CELF4: variants seen among roughly 807,000 people sequenced by gnomAD.
CELF4 encodes CUGBP Elav-like family member 4.
In CELF4, 18 loss-of-function variants were observed where a neutral mutation model predicts 59.9. The observed-to-expected ratio is 0.30, with a 90% confidence interval of 0.21 to 0.45. The LOEUF (loss-of-function observed/expected upper bound fraction) is 0.45. Among genes scored for constraint, CELF4 ranks in the 20% least tolerant of loss-of-function variants. The pLI is 1.00. For missense variants in CELF4, 456 were observed against 689.0 expected (o/e 0.66, Z 3.79); for synonymous variants, 261 against 267.1 (o/e 0.98, Z 0.22).
chr18:37,565,691 C>CTT lies in CELF4; in HGVS notation c.-51_-50insAA. 7.7e-7 allele frequency: 1 copy of CTT among 1,294,610 alleles called. No homozygotes were observed. Among genetic ancestry groups the CTT allele is most frequent in the Non-Finnish European group, 1.0e-6 (1 of 969,328 alleles). 80.2% of individuals were successfully genotyped at this position (1,294,610 alleles called of 1,614,324 possible). ...TCTTTCTCGCTCACACTCTCTCGCT[C>CTT]CTCTCTCTCGCTCGCTCGCGCTCAC... On this transcript the variant is annotated 5_prime_UTR_variant, in exon 1 of 13. Transcript: ENST00000420428.
At chr18:37,524,646 C>T (rs1253317483) in intron 1 of CELF4, among the ~76,000 whole-genome samples, 1 of 152,238 alleles carries the variant, frequency 6.6e-6, no homozygotes, top group South Asian at 2.1e-4. Flanking sequence ...ATTAGCCGAC[C>T]TCTGGCGCCG....
chr18:37,565,261 C>G, intron 1 of CELF4, 95 bp downstream of exon 1: 1 of 1,400,704 alleles, frequency 7.1e-7, no homozygotes, highest in Admixed American at 2.4e-5. Context: ...GGCTTCCTCT[C>G]GCTTAGTCCG....
intron 1 of CELF4, among the ~76,000 whole-genome samples, chr18:37,512,477 A>G (rs1358872970): frequency 3.3e-5 from 4 of 122,864 alleles, no homozygotes; most frequent in Non-Finnish European, 6.4e-5. Context: ...CTTTCTCCTC[A>G]TGCTTCATTT....
At chr18:37,298,170 C>G (rs1200883204) in intron 3 of CELF4, among the ~76,000 whole-genome samples, 1 of 152,186 alleles carries the variant, frequency 6.6e-6, no homozygotes, top group Non-Finnish European at 1.5e-5. Flanking sequence ...GATGGCTGAG[C>G]CTTGGGGCCC....
At chr18:37,355,376 A>C (rs2098545859) in intron 2 of CELF4, among the ~76,000 whole-genome samples, 1 of 152,136 alleles carries the variant, frequency 6.6e-6, no homozygotes, top group South Asian at 2.1e-4. Flanking sequence ...TAAACTTTAA[A>C]CTGAAAACAG....
chr18:37,522,071 A>G (rs1274257894), intron 1 of CELF4, among the ~76,000 whole-genome samples: 1 of 152,092 alleles, frequency 6.6e-6, no homozygotes, highest in Non-Finnish European at 1.5e-5. Context: ...TCTGTCTAAG[A>G]GGAGAGGAGA....
intron 2 of CELF4, among the ~76,000 whole-genome samples, chr18:37,460,044 G>A (rs1254268310): frequency 2.0e-5 from 3 of 152,158 alleles, no homozygotes; most frequent in South Asian, 2.1e-4. Flanking sequence ...CTGAATGGAT[G>A]GGCAGTATTG....
At chr18:37,509,255 T>G (rs1171335686) in intron 1 of CELF4, among the ~76,000 whole-genome samples, 2 of 152,224 alleles carry the variant, frequency 1.3e-5, no homozygotes, top group African/African-American at 4.8e-5. Flanking sequence ...CATTTTCACA[T>G]GGAATTGATC....
chr18:37,503,692 C>T (rs902936196), intron 1 of CELF4, among the ~76,000 whole-genome samples: 1 of 152,218 alleles, frequency 6.6e-6, no homozygotes, highest in African/African-American at 2.4e-5. Flanking sequence ...CTTCACTTCT[C>T]TGGGTCTCAG....
At position 37,501,862 on chromosome 18, in the gene CELF4, C is replaced by T. The variant is rs570488339; in HGVS notation, c.287-16255G>A. ...ACGTTGACCAGCACGGGCTGCCTCCCGCTTTCCTCTCTCCTTCCATTCCTC... is the reference window on the plus strand; with the variant it reads ...ACGTTGACCAGCACGGGCTGCCTCCTGCTTTCCTCTCTCCTTCCATTCCTC... On this transcript the variant is annotated intron_variant, in intron 1 of 12. Coordinates refer to ENST00000420428, the MANE Select transcript of CELF4 (RefSeq NM_020180.4). Among the ~76,000 whole-genome samples, 7 of 152,320 alleles carry T rather than the reference C, an allele frequency of 4.6e-5. No individual in the cohort carries two copies. The South Asian group carries it at 6.2e-4, about 14-fold the overall frequency.
intron 1 of CELF4, among the ~76,000 whole-genome samples, chr18:37,539,210 A>G (rs896093993): frequency 1.3e-5 from 2 of 152,226 alleles, no homozygotes; most frequent in African/African-American, 4.8e-5. Context: ...AGAGCTTTGC[A>G]CATATTATCT....
At chr18:37,354,054 C>A (rs2098518707) in intron 2 of CELF4, among the ~76,000 whole-genome samples, 2 of 152,074 alleles carry the variant, frequency 1.3e-5, no homozygotes, top group Admixed American at 1.3e-4. Context: ...TGCGCCTGGC[C>A]TGTGGGGGGA....
At chr18:37,325,422 G>A (rs1262691329) in intron 2 of CELF4, among the ~76,000 whole-genome samples, 1 of 152,206 alleles carries the variant, frequency 6.6e-6, no homozygotes, top group African/African-American at 2.4e-5. Context: ...ATTTTCCATG[G>A]TAAATTAAAC....
intron 2 of CELF4, among the ~76,000 whole-genome samples, chr18:37,440,805 TCTAA>T (rs1375592729): frequency 6.6e-6 from 1 of 152,070 alleles, no homozygotes; most frequent in African/African-American, 2.4e-5. Context: ...TACCCATCTG[TCTAA>T]CTAGCCATTC....
intron 2 of CELF4, among the ~76,000 whole-genome samples, chr18:37,356,235 G>A (rs571581985): frequency 6.6e-6 from 1 of 152,356 alleles, no homozygotes; most frequent in East Asian, 1.9e-4. Flanking sequence ...AGAAAAAATA[G>A]TATGTGGCAC....
At chr18:37,461,933 C>T (rs1954869) in intron 2 of CELF4, among the ~76,000 whole-genome samples, 1 of 151,996 alleles carries the variant, frequency 6.6e-6, no homozygotes, top group African/African-American at 2.4e-5. Flanking sequence ...CTGAGAAGGA[C>T]AAGGCATGAT....
chr18:37,360,206 C>A (rs1569567653), intron 2 of CELF4, among the ~76,000 whole-genome samples: 1 of 152,168 alleles, frequency 6.6e-6, no homozygotes, highest in Non-Finnish European at 1.5e-5. Context: ...GCTTTGCCTG[C>A]TGAAGTCCTC....
intron 2 of CELF4, among the ~76,000 whole-genome samples, chr18:37,471,400 T>A (rs2099828845): frequency 6.6e-6 from 1 of 152,036 alleles, no homozygotes; most frequent in South Asian, 2.1e-4. Flanking sequence ...GGGAACAAGC[T>A]CCTCAGTGGG....
intron 2 of CELF4, among the ~76,000 whole-genome samples, chr18:37,396,651 C>T (rs527834683): frequency 6.6e-6 from 1 of 152,212 alleles, no homozygotes; most frequent in Non-Finnish European, 1.5e-5. Context: ...TTGCCAGTGT[C>T]CTTATAAGAG....
Sources: allele counts gnomAD v4.1 joint callset (sites outside exome capture counted in the v4.1 genomes callset), GRCh38; gene constraint gnomAD v4.1.1; transcripts MANE v1.5; gene names NCBI Gene and HGNC (gene_info 2026-07-23, HGNC 2026-07-21).